The following COPB2 variants were observed in gnomAD, a reference collection of about 807,000 sequenced individuals.
COPB2 encodes coatomer subunit beta'.
In COPB2, 16 loss-of-function variants were observed where a neutral mutation model predicts 120.8. The observed-to-expected ratio is 0.13, with a 90% CI of 0.09 to 0.20. COPB2 has a LOEUF of 0.20. Ranked by LOEUF, COPB2 falls within the 10% of genes least tolerant of loss-of-function variation. COPB2 has a pLI of 1.00. For missense variants in COPB2, 794 were observed against 1,076.5 expected (o/e 0.74, Z 3.67); for synonymous variants, 332 against 366.3 (o/e 0.91, Z 1.07).
At chr3:139,358,637 C>T (rs375974503) in intron 20 of COPB2, 107 bp downstream of exon 20, 18 of 771,128 alleles carry the variant, frequency 2.3e-5, no homozygotes, top group East Asian at 2.0e-4. Flanking sequence ...GCCTAGATCG[C>T]GCCACTGCAC....
At position 139,357,944 on chromosome 3, in the gene COPB2, T is replaced by C. The variant is rs1268820949; in HGVS notation, c.2640A>G (p.Leu880=). The change falls in exon 22 of 22, where the codon CTA becomes CTG. Residue 880 remains leucine, a synonymous_variant. Transcript: ENST00000333188. Reference sequence around the variant, plus strand: ...ATTCCAAATTATCCAAATCTACTTCTAGTTCGAGTAAACTCTGCAGACAAA... The same window carrying C: ...ATTCCAAATTATCCAAATCTACTTCCAGTTCGAGTAAACTCTGCAGACAAA... The part of the protein sequence containing the change: ...ANKEEKSLLE[L]EVDLDNLELE... The C allele has an allele frequency of 6.3e-7, 1 of 1,586,662 alleles. No homozygotes were observed.
At chr3:139,373,506 A>G (rs1941660892) in intron 8 of COPB2, 94 bp from the exon 9 acceptor site, 1 of 1,521,568 alleles carries the variant, frequency 6.6e-7, no homozygotes, top group Non-Finnish European at 9.0e-7. Context: ...AGAGAGCTCC[A>G]TTTCCTTTCT....
At chr3:139,372,788 A>G (rs1941643593) in intron 9 of COPB2, among the ~76,000 whole-genome samples, 1 of 152,220 alleles carries the variant, frequency 6.6e-6, no homozygotes, top group South Asian at 2.1e-4. Flanking sequence ...CAGAATTATT[A>G]TCAATCCCAA....
intron 9 of COPB2, 123 bp downstream of exon 9, chr3:139,373,090 C>A: frequency 1.1e-6 from 1 of 943,390 alleles, no homozygotes; most frequent in Non-Finnish European, 1.7e-6. Flanking sequence ...GATTGTGAGG[C>A]CAGGGCAAAA....
chr3:139,366,605 T>C lies in COPB2; in HGVS notation c.1847A>G (p.Glu616Gly). The C allele has an allele frequency of 6.2e-7, 1 of 1,613,986 alleles. No homozygotes were observed. Among genetic ancestry groups the C allele is most frequent in the Non-Finnish European group, 8.5e-7 (1 of 1,179,918 alleles). Reference sequence around the variant, plus strand: ...AAAGTGTGCAACTCTGGTCCTCTGTTCTTTTGGAATGGTAGGAAGGACCTT... The same window carrying C: ...AAAGTGTGCAACTCTGGTCCTCTGTCCTTTTGGAATGGTAGGAAGGACCTT... Reference protein sequence around the residue: ...ADKVLPTIPKEQRTRVAHFLE... With the variant: ...ADKVLPTIPKGQRTRVAHFLE... Residue 616 changes from glutamate (E) to glycine (G), a missense_variant, in exon 15 of 22, where the codon GAA (glutamate) becomes GGA (glycine). By Grantham distance (98) the Glu-to-Gly change is moderately conservative. This residue lies in a region of COPB2 where 610 missense variants were observed against 866.7 expected (regional missense o/e 0.70). Transcript: ENST00000333188.
intron 2 of COPB2, chr3:139,381,814 C>A (rs1273873660): frequency 6.6e-6 from 1 of 151,716 alleles, no homozygotes; most frequent in Non-Finnish European, 1.5e-5. Flanking sequence ...AAGAGGGAAT[C>A]CCTAGGAATA....
chr3:139,369,258 C>T lies in COPB2; in HGVS notation c.1401+3G>A. 4 of 1,600,548 alleles carry T rather than the reference C, an allele frequency of 2.5e-6. No homozygotes were observed. The highest frequency in any genetic ancestry group is 3.4e-6 in the Non-Finnish European group (4 of 1,172,386). ...CAAAAACAACAATGGAGGGGAAACT[C>T]ACATGTTTGGGCTGAATTTCAATTC... On this transcript the variant is annotated splice_donor_region_variant and intron_variant, in intron 12 of 21. Coordinates refer to ENST00000333188, the MANE Select transcript of COPB2 (RefSeq NM_004766.3).
At chr3:139,383,610 A>G (rs919122008) in intron 1 of COPB2, among the ~76,000 whole-genome samples, 175 bp from the exon 2 acceptor site, 1 of 152,200 alleles carries the variant, frequency 6.6e-6, no homozygotes, top group Admixed American at 6.5e-5. Context: ...CAAAAAAATC[A>G]GAATATTCAA....
intron 17 of COPB2, 94 bp downstream of exon 17, chr3:139,360,987 C>T: frequency 7.3e-7 from 1 of 1,369,766 alleles, no homozygotes; most frequent in Non-Finnish European, 1.0e-6. Context: ...ACCATTTGGC[C>T]ATTCATCAGT....
intron 13 of COPB2, 121 bp downstream of exon 13, chr3:139,368,024 C>A: frequency 9.9e-7 from 1 of 1,012,016 alleles, no homozygotes; most frequent in East Asian, 3.0e-5. Flanking sequence ...ACCAGAAATC[C>A]TTAAATGCTG....
At chr3:139,379,611 A>G (rs1941772016) in intron 2 of COPB2, 145 bp from the exon 3 acceptor site, 1 of 635,492 alleles carries the variant, frequency 1.6e-6, no homozygotes, top group Non-Finnish European at 2.6e-6. Context: ...TCAACATTCA[A>G]ATTTTTAAAA....
chr3:139,379,705 C>T (rs1941773019), intron 2 of COPB2: 1 of 462,290 alleles, frequency 2.2e-6, no homozygotes, highest in Non-Finnish European at 3.8e-6. Context: ...GATGGTATTC[C>T]AGATCCTCTG....
At chr3:139,387,316 GATA>G (rs1393741054) in intron 1 of COPB2, among the ~76,000 whole-genome samples, 2 of 152,280 alleles carry the variant, frequency 1.3e-5, no homozygotes, top group African/African-American at 2.4e-5. Flanking sequence ...GGGTTCTTGT[GATA>G]ATATTTCTCC....
intron 15 of COPB2, among the ~76,000 whole-genome samples, chr3:139,365,371 G>A (rs1338879172): frequency 6.6e-6 from 1 of 152,148 alleles, no homozygotes; most frequent in Non-Finnish European, 1.5e-5. Context: ...TCAAAATTCT[G>A]AGAGAAAATT....
At chr3:139,370,919 C>T (rs1161099016) in intron 10 of COPB2, among the ~76,000 whole-genome samples, 2 of 152,128 alleles carry the variant, frequency 1.3e-5, no homozygotes, top group African/African-American at 2.4e-5. Context: ...CAATTCCATA[C>T]CTCTCAATAA....
At chr3:139,366,246 A>G (rs984680681) in intron 15 of COPB2, among the ~76,000 whole-genome samples, 1 of 147,312 alleles carries the variant, frequency 6.8e-6, no homozygotes, top group African/African-American at 2.4e-5. Context: ...ATGTATTTTA[A>G]TCATTTTTTT....
rs1941656423 is a variant in COPB2, at chr3:139,373,334, C to G, written c.973G>C (p.Ala325Pro). ...GCATCTCCCATTGCTTTTAGGTTGG[C>G]CTGCTGGACTTCTGAATGCTTGGCC... ...IWAKHSEVQQANLKAMGDAEI... is the reference protein window; with the variant it reads ...IWAKHSEVQQPNLKAMGDAEI... The change falls in exon 9 of 22, where the codon GCC (alanine) becomes CCC (proline). Residue 325 changes from alanine (A) to proline (P), a missense_variant. Coordinates refer to ENST00000333188, the MANE Select transcript of COPB2 (RefSeq NM_004766.3). The G allele has an allele frequency of 6.2e-7, 1 of 1,614,150 alleles. No individual in the cohort carries two copies. Among genetic ancestry groups the G allele is most frequent in the Non-Finnish European group, 8.5e-7 (1 of 1,180,034 alleles).
At chr3:139,388,833 ATATTCT>A (rs1941989299) in intron 1 of COPB2, among the ~76,000 whole-genome samples, 1 of 150,120 alleles carries the variant, frequency 6.7e-6, no homozygotes, top group African/African-American at 2.5e-5. Flanking sequence ...GAGACGGAAG[ATATTCT>A]TATACTATCG....
rs756081148 is a variant in COPB2 at position 139,361,125 on chromosome 3, A to C, written c.2166T>G (p.Asp722Glu). 6.2e-7 allele frequency: 1 copy of C among 1,614,196 alleles called. No individual in the cohort carries two copies. The highest frequency in any genetic ancestry group is 8.5e-7 in the Non-Finnish European group (1 of 1,180,024). Residue 722 changes from aspartate to glutamate, a missense_variant, in exon 17 of 22, where the codon GAT becomes GAG. Physicochemically the swap from Asp to Glu is conservative, Grantham distance 45. Transcript: ENST00000333188. The part of the protein sequence containing the change: ...VNKLAEGAER[D>E]GKNNVAFMSY... ...TCATGAATGCCACATTATTTTTGCC[A>C]TCTCTCTCCGCACCCTCTGCTAGCT...
Sources: allele counts gnomAD v4.1 joint callset (sites outside exome capture counted in the v4.1 genomes callset), GRCh38; gene constraint gnomAD v4.1.1; regional missense constraint gnomAD v4.1.1; transcripts MANE v1.5; gene names NCBI Gene and HGNC (gene_info 2026-07-23, HGNC 2026-07-21).